Variants in TMEFF2 observed in about 807,000 individuals in gnomAD.
The protein encoded by TMEFF2 is tomoregulin-2.
Under a neutral mutation model 53.8 loss-of-function variants are expected in TMEFF2, and 28 were observed. That is an observed-to-expected ratio of 0.52 (90% confidence interval 0.39 to 0.71). The LOEUF (loss-of-function observed/expected upper bound fraction) is 0.71, where lower values mean the gene tolerates loss of function less well. Ranked by LOEUF, TMEFF2 falls within the 30% of genes least tolerant of loss-of-function variation. The probability of loss-of-function intolerance (pLI) is 0.00; values close to 1 mark genes in which losing one functional copy is unlikely to be tolerated. For missense variants in TMEFF2, 353 were observed against 455.2 expected, an observed-to-expected ratio of 0.78 and a Z score of 2.04; for synonymous variants, 162 against 166.3, an observed-to-expected ratio of 0.97 and a Z score of 0.20.
At chr2:192,124,119 A>C (rs1574393816) in intron 4 of TMEFF2, among the ~76,000 whole-genome samples, 1 of 152,294 alleles carries the variant, frequency 6.6e-6, no homozygotes, top group Admixed American at 6.5e-5. Flanking sequence ...AAGCAGTCTG[A>C]GTCTGCAGTG....
At chr2:192,192,061 G>A in intron 1 of TMEFF2, 72 bp from the exon 2 acceptor site, 1 of 1,079,230 alleles carries the variant, frequency 9.3e-7, no homozygotes, top group African/African-American at 1.6e-5. Context: ...GCACTACTTT[G>A]AAGCTTTAAA....
At chr2:192,041,705 C>T (rs756952677) in intron 5 of TMEFF2, among the ~76,000 whole-genome samples, 2 of 152,090 alleles carry the variant, frequency 1.3e-5, no homozygotes, top group African/African-American at 2.4e-5. Flanking sequence ...AAAGTAGAAA[C>T]AACCCAAATG....
chr2:192,141,646 G>C (rs1676239964), intron 4 of TMEFF2, among the ~76,000 whole-genome samples: 1 of 152,092 alleles, frequency 6.6e-6, no homozygotes, highest in Non-Finnish European at 1.5e-5. Flanking sequence ...CAATGGTAAA[G>C]AGGAAGCATG....
At chr2:191,951,959 A>G (rs923123936) in intron 9 of TMEFF2, among the ~76,000 whole-genome samples, 8 of 151,946 alleles carry the variant, frequency 5.3e-5, no homozygotes, top group Non-Finnish European at 1.2e-4. Flanking sequence ...GATAATCTTG[A>G]GCAGCAGAAT....
chr2:192,093,596 A>G (rs1368645986), intron 4 of TMEFF2, among the ~76,000 whole-genome samples: 1 of 152,124 alleles, frequency 6.6e-6, no homozygotes, highest in Non-Finnish European at 1.5e-5. Context: ...AGATATTTCT[A>G]TCCTCTTTCT....
chr2:191,955,522 TAA>T (rs1351287094), intron 8 of TMEFF2, among the ~76,000 whole-genome samples: 8 of 131,942 alleles, frequency 6.1e-5, no homozygotes, highest in African/African-American at 8.6e-5. Flanking sequence ...GGCTAATTCT[TAA>T]TTTTTTTTTT....
At chr2:192,063,190 T>C (rs1688089718) in intron 4 of TMEFF2, among the ~76,000 whole-genome samples, 1 of 152,000 alleles carries the variant, frequency 6.6e-6, no homozygotes, top group South Asian at 2.1e-4. Flanking sequence ...ATGTATAAAT[T>C]GCCTTCTAAA....
Position 192,087,385 on chromosome 2 carries a change from A to G in TMEFF2, c.440-29610T>C, listed in dbSNP as rs529065102. On this transcript the variant is annotated intron_variant, in intron 4 of 9. Coordinates refer to ENST00000272771, the MANE Select transcript of TMEFF2 (RefSeq NM_016192.4). ...TTAAAAAGAGGAGAGAAATCTGAGG[A>G]ATTAATATTGGTCCTGAAGTGTGTG... Among the ~76,000 whole-genome samples the G allele has an allele frequency of 2.0e-5, 3 of 152,200 alleles. No homozygotes were observed. In the East Asian group the frequency reaches 5.8e-4, roughly 29 times the overall value.
chr2:191,980,743 T>C (rs958190549), intron 7 of TMEFF2, among the ~76,000 whole-genome samples: 3 of 152,116 alleles, frequency 2.0e-5, no homozygotes, highest in African/African-American at 4.8e-5. Flanking sequence ...GACATCAACA[T>C]AGAAATGAAC....
intron 5 of TMEFF2, among the ~76,000 whole-genome samples, chr2:192,040,272 T>A (rs577017310): frequency 6.6e-6 from 1 of 152,118 alleles, no homozygotes; most frequent in African/African-American, 2.4e-5. Flanking sequence ...AGCCTTGGTT[T>A]TCCTTTAAAT....
rs546077865 is a variant in TMEFF2 at position 192,009,747 on chromosome 2, G to C, written c.537-10539C>G. Among the ~76,000 whole-genome samples, 11 of 152,130 alleles carry C rather than the reference G, an allele frequency of 7.2e-5. No homozygotes were observed. The South Asian group carries it at 2.3e-3, about 32-fold the overall frequency. The stretch of plus-strand genomic sequence containing the variant: ...AAGAGAAGACGGGAAATATGATTAA[G>C]GTAGGAGAACACCTTAATTTTATCT... On this transcript the variant is annotated intron_variant, in intron 5 of 9. Transcript: ENST00000272771.
At chr2:192,132,225 C>T (rs1372697476) in intron 4 of TMEFF2, among the ~76,000 whole-genome samples, 2 of 152,106 alleles carry the variant, frequency 1.3e-5, no homozygotes, top group African/African-American at 4.8e-5. Context: ...TGTGACTAGC[C>T]CTCCCCCACC....
chr2:192,063,024 C>CAA (rs1193485673), intron 4 of TMEFF2, among the ~76,000 whole-genome samples: 2 of 149,420 alleles, frequency 1.3e-5, no homozygotes, highest in Non-Finnish European at 1.5e-5. Flanking sequence ...TTTCTTTATA[C>CAA]AAGGCTATTT....
chr2:191,992,838 C>G (rs1267351797), intron 7 of TMEFF2: 1 of 152,006 alleles, frequency 6.6e-6, no homozygotes, highest in African/African-American at 2.4e-5. Flanking sequence ...CTCTTTTGAG[C>G]ATCTCACAAA....
chr2:192,141,459 G>GAAAA (rs397987092), intron 4 of TMEFF2, among the ~76,000 whole-genome samples: 59 of 107,242 alleles, frequency 5.5e-4, no homozygotes, highest in Non-Finnish European at 5.8e-4. Flanking sequence ...TCTCAAAAAA[G>GAAAA]AAAAAAAAAA....
intron 7 of TMEFF2, among the ~76,000 whole-genome samples, chr2:191,959,089 A>G (rs1692191162): frequency 1.3e-5 from 2 of 152,206 alleles, no homozygotes; most frequent in Non-Finnish European, 2.9e-5. Flanking sequence ...AACATTTTAA[A>G]TTATATAAAA....
At chr2:192,170,558 G>A (rs1690884103) in intron 4 of TMEFF2, among the ~76,000 whole-genome samples, 1 of 151,962 alleles carries the variant, frequency 6.6e-6, no homozygotes, top group South Asian at 2.1e-4. Context: ...AATTACAGGA[G>A]AAACGAGTAA....
At chr2:192,122,103 T>A (rs1003492811) in intron 4 of TMEFF2, among the ~76,000 whole-genome samples, 1 of 152,164 alleles carries the variant, frequency 6.6e-6, no homozygotes, top group Non-Finnish European at 1.5e-5. Context: ...ATATGCCAAT[T>A]ACTATAATTT....
chr2:192,080,230 A>C (rs1292769489), intron 4 of TMEFF2, among the ~76,000 whole-genome samples: 1 of 152,192 alleles, frequency 6.6e-6, no homozygotes, highest in Non-Finnish European at 1.5e-5. Flanking sequence ...GTGCATGTTA[A>C]ATTGTAATCC....
Sources: allele counts gnomAD v4.1 joint callset (sites outside exome capture counted in the v4.1 genomes callset), GRCh38; gene constraint gnomAD v4.1.1; transcripts MANE v1.5; gene names NCBI Gene and HGNC (gene_info 2026-07-23, HGNC 2026-07-21).